The following MOV10L1 variants were observed in gnomAD, a reference collection of about 807,000 sequenced individuals.
MOV10L1 encodes Mov10 like RNA helicase 1.
A neutral mutation model predicts 143.8 loss-of-function variants in MOV10L1; 110 were observed. The ratio of observed to expected loss-of-function variants is 0.76; its 90% confidence interval spans 0.66 to 0.90. The LOEUF (loss-of-function observed/expected upper bound fraction) is 0.90, where lower values mean the gene tolerates loss of function less well. Among genes scored for constraint, MOV10L1 ranks in the 40% least tolerant of loss-of-function variants. MOV10L1 has a pLI of 0.00. For missense variants in MOV10L1, 1,406 were observed against 1,526.8 expected, an observed-to-expected ratio of 0.92 and a Z score of 1.32; for synonymous variants, 593 against 581.1, an observed-to-expected ratio of 1.02 and a Z score of -0.29.
intron 10 of MOV10L1, among the ~76,000 whole-genome samples, chr22:50,121,198 G>C (rs564846490): frequency 1.3e-5 from 2 of 152,326 alleles, no homozygotes; most frequent in East Asian, 3.9e-4. Flanking sequence ...CAGCTAAACT[G>C]GAGTTCCAGT....
chr22:50,161,548 C>A lies in MOV10L1; in HGVS notation c.*99C>A. ...CCTGTGGCCTGCCCTTGTCTCGCAGCCAGGCAGGGTCGTGTGTGGGTGTGG... is the reference window on the plus strand; with the variant it reads ...CCTGTGGCCTGCCCTTGTCTCGCAGACAGGCAGGGTCGTGTGTGGGTGTGG... On this transcript the variant is annotated 3_prime_UTR_variant, in exon 27 of 27. Coordinates refer to ENST00000262794, the MANE Select transcript of MOV10L1 (RefSeq NM_018995.3). 8.1e-7 allele frequency: 1 copy of A among 1,234,736 alleles called. No individual in the cohort carries two copies. Among genetic ancestry groups the A allele is most frequent in the Non-Finnish European group, 1.1e-6 (1 of 889,022 alleles). 76.5% of individuals were successfully genotyped at this position (1,234,736 alleles called of 1,614,324 possible). A position where few individuals can be genotyped will look rare whatever the true frequency, so the allele number is the denominator to read the frequency against.
At chr22:50,109,128 G>GC (rs2061952389) in intron 5 of MOV10L1, among the ~76,000 whole-genome samples, 1 of 151,590 alleles carries the variant, frequency 6.6e-6, no homozygotes, top group Non-Finnish European at 1.5e-5. Context: ...TGGGCGACAA[G>GC]TAAAACTCCG....
In MOV10L1 at chr22:50,113,792, A is replaced by C. The variant is rs1007384690; in HGVS notation, c.884+4A>C. The C allele has an allele frequency of 3.2e-6, 5 of 1,580,152 alleles. No individual in the cohort carries two copies. Among genetic ancestry groups the C allele is most frequent in the African/African-American group, 1.4e-5 (1 of 73,312 alleles). On this transcript the variant is annotated splice_donor_region_variant and intron_variant, in intron 6 of 26. Coordinates refer to ENST00000262794, the MANE Select transcript of MOV10L1 (RefSeq NM_018995.3). ...AAACCATGGTGATCTGGATAGAGTG[A>C]GTTTGCCACTGAAACATTTTCTATA...
chr22:50,110,092 T>C (rs2061981535), intron 5 of MOV10L1, among the ~76,000 whole-genome samples: 3 of 151,580 alleles, frequency 2.0e-5, no homozygotes, highest in Admixed American at 2.0e-4. Context: ...GAGGTTGCAG[T>C]GAGGCGAGAT....
chr22:50,102,453 T>A (rs750764767), intron 3 of MOV10L1, among the ~76,000 whole-genome samples: 1 of 152,236 alleles, frequency 6.6e-6, no homozygotes, highest in African/African-American at 2.4e-5. Flanking sequence ...GGAAGAATTA[T>A]GCTAAATTTT....
rs367728074 is a variant in MOV10L1 at position 50,150,063 on chromosome 22, G to A, written c.2727+349G>A. Reference sequence around the variant, plus strand: ...TGCATCTGACCCACTTGCCCCTCAGGCTGCCCTGGCCTCCAGCTCTGTGCA... The same window carrying A: ...TGCATCTGACCCACTTGCCCCTCAGACTGCCCTGGCCTCCAGCTCTGTGCA... On this transcript the variant is annotated intron_variant, in intron 20 of 26. Coordinates refer to ENST00000262794, the MANE Select transcript of MOV10L1 (RefSeq NM_018995.3). 7.9e-5 allele frequency among the ~76,000 whole-genome samples: 12 copies of A among 152,298 alleles called. No individual in the cohort carries two copies. In the South Asian group the frequency reaches 1.7e-3, roughly 21 times the overall value.
chr22:50,131,448 G>A (rs2062676421), intron 13 of MOV10L1, among the ~76,000 whole-genome samples: 1 of 151,970 alleles, frequency 6.6e-6, no homozygotes, highest in Non-Finnish European at 1.5e-5. Context: ...TATTAATTTT[G>A]GTGAAGTCCA....
intron 24 of MOV10L1, among the ~76,000 whole-genome samples, chr22:50,160,078 G>A (rs1041010345): frequency 5.3e-5 from 8 of 152,126 alleles, no homozygotes; most frequent in Admixed American, 2.0e-4. Context: ...CTGAGGAGCA[G>A]AGAGTGGGAG....
intron 3 of MOV10L1, among the ~76,000 whole-genome samples, chr22:50,101,331 T>G (rs1473740796): frequency 6.6e-6 from 1 of 152,178 alleles, no homozygotes; most frequent in Non-Finnish European, 1.5e-5. Flanking sequence ...TTCTCCTGCC[T>G]CAGCCTCCTG....
intron 12 of MOV10L1, among the ~76,000 whole-genome samples, chr22:50,126,954 A>G (rs1326112147): frequency 6.6e-6 from 1 of 152,200 alleles, no homozygotes; most frequent in Non-Finnish European, 1.5e-5. Flanking sequence ...ACCTTCATGC[A>G]GGGTCCATGC....
At chr22:50,090,362 A>G in intron 1 of MOV10L1, 177 bp downstream of exon 1, 2 of 1,524,820 alleles carry the variant, frequency 1.3e-6, no homozygotes, top group South Asian at 1.2e-5. Context: ...CCGACCCCAC[A>G]GCATCCCGCC....
chr22:50,098,190 C>CT (rs1280334223), intron 2 of MOV10L1, among the ~76,000 whole-genome samples: 1 of 95,962 alleles, frequency 1.0e-5, no homozygotes, highest in African/African-American at 3.0e-5. Context: ...ATAATTAAGT[C>CT]TAAGATTGTC....
chr22:50,115,229 G>A lies in MOV10L1; in HGVS notation c.1242G>A (p.Val414=), dbSNP rs1174544427. Residue 414 remains valine (V), a synonymous_variant, in exon 8 of 27, where the codon GTG becomes GTA. Transcript: ENST00000262794. Reference sequence around the variant, plus strand: ...CTCCAGGGGGAAAAACCTTCATTGTGGTCATCTGTGACGGAAAGTAAGGGC... The same window carrying A: ...CTCCAGGGGGAAAAACCTTCATTGTAGTCATCTGTGACGGAAAGTAAGGGC... ...LVPPGGKTFI[V]VICDGKNPGR... The A allele has an allele frequency of 6.6e-7, 1 of 1,526,700 alleles. No individual in the cohort carries two copies. Among genetic ancestry groups the A allele is most frequent in the African/African-American group, 1.5e-5 (1 of 68,834 alleles). 94.6% of individuals were successfully genotyped at this position (1,526,700 alleles called of 1,614,324 possible). A position where few individuals can be genotyped will look rare whatever the true frequency, so the allele number is the denominator to read the frequency against.
rs113220921 is a variant in MOV10L1, at chr22:50,106,980, C to T, written c.443-1156C>T. Among the ~76,000 whole-genome samples, 507 of 151,700 alleles carry T rather than the reference C, an allele frequency of 3.3e-3. 4 individuals are homozygous for T. The highest frequency in any genetic ancestry group is 0.012 in the African/African-American group (481 of 41,306). ...CCTCCCAAAGTGCTGGGATTACAGG[C>T]GTGAGCCACCATGCCCGGCCAGGAC... On this transcript the variant is annotated intron_variant, in intron 3 of 26. Transcript: ENST00000262794.
rs542071540 is a variant in MOV10L1, at chr22:50,153,459, G to A, written c.3066+241G>A. On this transcript the variant is annotated intron_variant, in intron 22 of 26. Transcript: ENST00000262794. Reference sequence around the variant, plus strand: ...CAGGCACCACTCTCAGGTGGTCACAGCAGACAAGCACTGGGCTCCAAGAGA... The same window carrying A: ...CAGGCACCACTCTCAGGTGGTCACAACAGACAAGCACTGGGCTCCAAGAGA... Among the ~76,000 whole-genome samples the A allele has an allele frequency of 2.6e-5, 4 of 152,250 alleles. No individual in the cohort carries two copies. In the South Asian group the frequency reaches 8.3e-4, roughly 31 times the overall value.
intron 2 of MOV10L1, chr22:50,093,914 G>A (rs192815489): frequency 6.6e-6 from 1 of 152,208 alleles, no homozygotes; most frequent in Non-Finnish European, 1.5e-5. Context: ...CCAGTCATCT[G>A]AGTAGCTCAC....
intron 5 of MOV10L1, among the ~76,000 whole-genome samples, chr22:50,110,855 C>T (rs558738737): frequency 6.6e-6 from 1 of 152,152 alleles, no homozygotes; most frequent in South Asian, 2.1e-4. Flanking sequence ...TGCTTGAACC[C>T]GGGAAGCAGA....
chr22:50,136,209 T>G (rs1168729422), intron 15 of MOV10L1, among the ~76,000 whole-genome samples: 2 of 152,124 alleles, frequency 1.3e-5, no homozygotes, highest in Non-Finnish European at 2.9e-5. Context: ...GTGCTTTTCT[T>G]CTCCGTCATC....
intron 9 of MOV10L1, among the ~76,000 whole-genome samples, chr22:50,118,104 G>T (rs759452656): frequency 6.6e-6 from 1 of 152,066 alleles, no homozygotes; most frequent in Non-Finnish European, 1.5e-5. Context: ...TTCAAATCAC[G>T]TGTTGCCCCA....
Sources: allele counts gnomAD v4.1 joint callset (sites outside exome capture counted in the v4.1 genomes callset), GRCh38; gene constraint gnomAD v4.1.1; transcripts MANE v1.5; gene names NCBI Gene and HGNC (gene_info 2026-07-23, HGNC 2026-07-21).